SCHIP1: variants seen among roughly 807,000 people sequenced by gnomAD.
The protein encoded by SCHIP1 is schwannomin interacting protein 1.
Under a neutral mutation model 29.7 loss-of-function variants are expected in SCHIP1, and 8 were observed. The ratio of observed to expected loss-of-function variants is 0.27; its 90% CI spans 0.16 to 0.49. SCHIP1 has a LOEUF of 0.49. Ranked by LOEUF, SCHIP1 falls within the 20% of genes least tolerant of loss-of-function variation. The pLI is 0.99. For synonymous variants in SCHIP1, 76 were observed against 94.9 expected, an observed-to-expected ratio of 0.80 and a Z score of 1.16; for missense variants, 193 against 294.6, an observed-to-expected ratio of 0.66 and a Z score of 2.52.
the SCHIP1 span, among the ~76,000 whole-genome samples, chr3:159,729,964 GAAT>G: frequency 6.6e-6 from 1 of 152,044 alleles, no homozygotes; most frequent in Non-Finnish European, 1.5e-5. Flanking sequence ...CCTGGATATG[GAAT>G]AATATCCAAG....
At chr3:159,748,576 G>T in the SCHIP1 span, among the ~76,000 whole-genome samples, 9 of 152,212 alleles carry the variant, frequency 5.9e-5, no homozygotes, top group African/African-American at 2.2e-4. Flanking sequence ...ACTGTGCCCA[G>T]CTCCTACCTG....
the SCHIP1 span, among the ~76,000 whole-genome samples, chr3:159,693,297 G>C: frequency 6.6e-6 from 1 of 152,042 alleles, no homozygotes. Flanking sequence ...ACAAAAGAAT[G>C]CAAATTCTAA....
At chr3:159,538,078 G>A in the SCHIP1 span, among the ~76,000 whole-genome samples, 1 of 152,136 alleles carries the variant, frequency 6.6e-6, no homozygotes, top group African/African-American at 2.4e-5. Context: ...CGAAAGCAGA[G>A]CACATCACTT....
the SCHIP1 span, among the ~76,000 whole-genome samples, chr3:159,541,981 T>C: frequency 2.0e-5 from 3 of 152,096 alleles, no homozygotes; most frequent in African/African-American, 7.2e-5. Context: ...ATCTCTATGA[T>C]GCTCTAGCAT....
the SCHIP1 span, among the ~76,000 whole-genome samples, chr3:159,740,942 C>A: frequency 6.6e-6 from 1 of 152,092 alleles, no homozygotes; most frequent in African/African-American, 2.4e-5. Context: ...TAAGTTGGCT[C>A]AAGCTCTTCG....
At chr3:159,450,062 C>T in the SCHIP1 span, among the ~76,000 whole-genome samples, 5 of 152,152 alleles carry the variant, frequency 3.3e-5, no homozygotes. Flanking sequence ...GTACATCTTT[C>T]TTATTGGCAA....
the SCHIP1 span, among the ~76,000 whole-genome samples, chr3:159,796,467 G>C: frequency 6.6e-6 from 1 of 152,166 alleles, no homozygotes; most frequent in Admixed American, 6.5e-5. Context: ...CCAGGGAGGA[G>C]TGATCATGCA....
chr3:159,738,692 G>T, the SCHIP1 span, among the ~76,000 whole-genome samples: 1 of 152,198 alleles, frequency 6.6e-6, no homozygotes, highest in Non-Finnish European at 1.5e-5. Context: ...TGTTCTCATG[G>T]AACTTACATT....
chr3:159,761,201 G>A, the SCHIP1 span, among the ~76,000 whole-genome samples: 17 of 152,340 alleles, frequency 1.1e-4, no homozygotes, highest in South Asian at 3.5e-3. Context: ...CACTCTGGCT[G>A]CATGAAGAGA....
At chr3:159,495,773 C>G in the SCHIP1 span, among the ~76,000 whole-genome samples, 14 of 152,236 alleles carry the variant, frequency 9.2e-5, no homozygotes, top group South Asian at 6.2e-4. Context: ...AGTTCATATG[C>G]AACCAAAAAA....
chr3:159,490,643 T>A, the SCHIP1 span, among the ~76,000 whole-genome samples: 8 of 152,320 alleles, frequency 5.3e-5, no homozygotes, highest in African/African-American at 1.9e-4. Context: ...ATTGAATTAA[T>A]TGATTTCCTA....
chr3:159,577,371 T>A, the SCHIP1 span, among the ~76,000 whole-genome samples: 4 of 152,190 alleles, frequency 2.6e-5, no homozygotes, highest in African/African-American at 4.8e-5. Flanking sequence ...TGGCATTAAT[T>A]TTGTCAGGTA....
Position 159,862,701 on chromosome 3 carries a change from T to A in SCHIP1, c.31-3462T>A, listed in dbSNP as rs539104713. ...GTAGGAAAATAAGCAAAGCTAGGAA[T>A]AAGTAATTCAGAGAAAAGAAAGTAC... On this transcript the variant is annotated intron_variant, in intron 1 of 6. Transcript: ENST00000445224. Among the ~76,000 whole-genome samples, 341 of 152,314 alleles carry A rather than the reference T, an allele frequency of 2.2e-3. 1 individual carries two copies. Among genetic ancestry groups the A allele is most frequent in the Non-Finnish European group, 3.7e-3 (249 of 68,020 alleles).
At chr3:159,703,687 C>T in the SCHIP1 span, among the ~76,000 whole-genome samples, 1 of 152,192 alleles carries the variant, frequency 6.6e-6, no homozygotes, top group South Asian at 2.1e-4. Context: ...GGATGGCTTC[C>T]ACTTAGGCTG....
chr3:159,713,226 A>AG, the SCHIP1 span, among the ~76,000 whole-genome samples: 240 of 114,356 alleles, frequency 2.1e-3, no homozygotes, highest in African/African-American at 8.5e-3. Flanking sequence ...GAGAGAGAGA[A>AG]AGAAAGGAAG....
chr3:159,848,723 T>C (rs560387822), intron 1 of SCHIP1, among the ~76,000 whole-genome samples: 2 of 152,178 alleles, frequency 1.3e-5, no homozygotes, highest in Non-Finnish European at 2.9e-5. Flanking sequence ...CTGGAGGGCT[T>C]ACATTTCTAG....
At chr3:159,432,327 TGTGTGTGTGTGTGAGA>T in the SCHIP1 span, among the ~76,000 whole-genome samples, 45 of 106,318 alleles carry the variant, frequency 4.2e-4, no homozygotes, top group Non-Finnish European at 7.3e-4. Context: ...TGTGTGTGTG[TGTGTGTGTGTGTGAGA>T]GAGAGAGAGA....
the SCHIP1 span, among the ~76,000 whole-genome samples, chr3:159,626,304 T>TA: frequency 2.1e-5 from 3 of 144,168 alleles, no homozygotes; most frequent in African/African-American, 5.1e-5. Context: ...AGATAGATTT[T>TA]TTTTTACCTT....
chr3:159,616,181 TTTTTG>T, the SCHIP1 span, among the ~76,000 whole-genome samples: 7 of 152,164 alleles, frequency 4.6e-5, no homozygotes, highest in South Asian at 2.1e-4. Flanking sequence ...CAAGATAGCA[TTTTTG>T]TTTTGTTTTG....
Sources: allele counts gnomAD v4.1 joint callset (sites outside exome capture counted in the v4.1 genomes callset), GRCh38; gene constraint gnomAD v4.1.1; transcripts MANE v1.5; gene names NCBI Gene and HGNC (gene_info 2026-07-23, HGNC 2026-07-21).